PITPNM2: variants seen among roughly 807,000 people sequenced by gnomAD.
The protein encoded by PITPNM2 is membrane-associated phosphatidylinositol transfer protein 2.
PITPNM2 carries 35 observed loss-of-function variants against 132.2 expected under a neutral mutation model. That is an observed-to-expected ratio of 0.26 (90% CI 0.20 to 0.35). PITPNM2 has a LOEUF of 0.35. Among genes scored for constraint, PITPNM2 ranks in the 10% least tolerant of loss-of-function variants. The pLI, the probability that PITPNM2 is intolerant of heterozygous loss-of-function variation, is 1.00. For synonymous variants in PITPNM2, 738 were observed against 799.2 expected (o/e 0.92, Z 1.29); for missense variants, 1,332 against 1,912.0 (o/e 0.70, Z 5.66).
At chr12:123,085,918 T>A (rs532983130) in intron 2 of PITPNM2, among the ~76,000 whole-genome samples, 19 of 152,336 alleles carry the variant, frequency 1.2e-4, no homozygotes, top group African/African-American at 4.6e-4. Flanking sequence ...TAAGCCAGGA[T>A]GCCCTGTCTC....
chr12:123,072,793 C>G (rs1384997566), intron 2 of PITPNM2, among the ~76,000 whole-genome samples: 2 of 152,228 alleles, frequency 1.3e-5, no homozygotes, highest in African/African-American at 4.8e-5. Context: ...AACGTTGGAC[C>G]AAATAAAACC....
In PITPNM2 at chr12:122,986,209, G is replaced by C. The variant is rs759423431; in HGVS notation, c.3868C>G (p.Arg1290Gly). The change falls in exon 26 of 26, where the codon CGG (arginine) becomes GGG (glycine). Residue 1290 changes from arginine to glycine, a missense_variant. Transcript: ENST00000320201. Reference protein sequence around the residue: ...LPGQGDFLRSRNHLLRTISAQ... With the variant: ...LPGQGDFLRSGNHLLRTISAQ... ...GAGATGGTGCGAAGCAGGTGGTTCC[G>C]GGAGCGCAGAAAGTCGCCCTGGCCG... The C allele has an allele frequency of 8.3e-6, 13 of 1,561,044 alleles. No homozygotes were observed. Among genetic ancestry groups the C allele is most frequent in the Non-Finnish European group, 1.1e-5 (13 of 1,157,708 alleles).
rs758735314 is a variant in PITPNM2 at position 123,012,718 on chromosome 12, C to T, written c.310G>A (p.Val104Met). Residue 104 changes from valine to methionine, a missense_variant, in exon 5 of 26, where the codon GTG becomes ATG. Val to Met is a conservative substitution (Grantham distance 21, BLOSUM62 1). This residue lies in a region of PITPNM2 where 122 missense variants were observed against 209.6 expected (regional missense o/e 0.58). Transcript: ENST00000320201. ...TCAATGTCGATGGAGAATTTCTCCACGAAAGGACAGGTGAACCTGTGCGGA... is the reference window on the plus strand; with the variant it reads ...TCAATGTCGATGGAGAATTTCTCCATGAAAGGACAGGTGAACCTGTGCGGA... ...YTRTRFTCPFVEKFSIDIETF... is the reference protein window; with the variant it reads ...YTRTRFTCPFMEKFSIDIETF... The T allele has an allele frequency of 8.7e-6, 14 of 1,613,950 alleles. No homozygotes were observed. In the East Asian group the frequency reaches 1.1e-4, roughly 13 times the overall value.
intron 2 of PITPNM2, among the ~76,000 whole-genome samples, chr12:123,079,374 T>C (rs1180859919): frequency 2.3e-5 from 3 of 129,094 alleles, no homozygotes; most frequent in Admixed American, 7.5e-5. Context: ...TTTTTTTTTT[T>C]TTTTTTGAGA....
chr12:123,043,200 G>A (rs1027575121), intron 2 of PITPNM2, among the ~76,000 whole-genome samples: 1 of 152,136 alleles, frequency 6.6e-6, no homozygotes, highest in South Asian at 2.1e-4. Context: ...GGCTCAGGAA[G>A]CAGGCAGAGA....
At chr12:123,045,781 G>A (rs773177503) in intron 2 of PITPNM2, among the ~76,000 whole-genome samples, 17 of 152,178 alleles carry the variant, frequency 1.1e-4, no homozygotes, top group Non-Finnish European at 2.2e-4. Flanking sequence ...AGGCACAAAC[G>A]CCATGCTGGA....
chr12:123,087,618 T>G (rs2042149910), intron 2 of PITPNM2: 1 of 152,162 alleles, frequency 6.6e-6, no homozygotes, highest in Admixed American at 6.5e-5. Context: ...CAGAATTTCT[T>G]TTTTTTCTTT....
intron 18 of PITPNM2, among the ~76,000 whole-genome samples, 171 bp from the exon 19 acceptor site, chr12:122,989,043 G>A (rs1025169543): frequency 6.6e-6 from 1 of 152,218 alleles, no homozygotes; most frequent in African/African-American, 2.4e-5. Context: ...AGGGAGCGCA[G>A]GCAAAAGCAC....
At chr12:123,012,487 C>T (rs2039251472) in intron 5 of PITPNM2, 126 bp downstream of exon 5, 15 of 1,305,316 alleles carry the variant, frequency 1.1e-5, no homozygotes, top group Non-Finnish European at 1.6e-5. Context: ...CCAACTCTGA[C>T]CTGCCTGCCC....
intron 2 of PITPNM2, among the ~76,000 whole-genome samples, chr12:123,051,175 C>A (rs1184918291): frequency 6.6e-6 from 1 of 152,236 alleles, no homozygotes; most frequent in East Asian, 1.9e-4. Context: ...ATTGATACCC[C>A]TCTTGCAGGA....
In PITPNM2 at chr12:123,023,985, G is replaced by T. The variant is rs1566253582; in HGVS notation, c.79-9943C>A. Among the ~76,000 whole-genome samples the T allele has an allele frequency of 6.6e-6, 1 of 152,180 alleles. No homozygotes were observed. Among genetic ancestry groups the T allele is most frequent in the Non-Finnish European group, 1.5e-5 (1 of 68,044 alleles). On this transcript the variant is annotated intron_variant, in intron 3 of 25. Transcript: ENST00000320201. The surrounding 1 kb of genome is among the most constrained non-coding windows in gnomAD (Gnocchi z 4.8). Reference sequence around the variant, plus strand: ...AACTGGCAAAGGAGCTGGGCATGGTGCTGTACACCTGTAGACCTAGCTACT... The same window carrying T: ...AACTGGCAAAGGAGCTGGGCATGGTTCTGTACACCTGTAGACCTAGCTACT...
intron 2 of PITPNM2, chr12:123,084,520 T>C (rs2042058632): frequency 1.3e-5 from 2 of 152,236 alleles, no homozygotes; most frequent in South Asian, 4.1e-4. Flanking sequence ...CTTTGAACAT[T>C]TGCCACTGCT....
intron 1 of PITPNM2, among the ~76,000 whole-genome samples, chr12:123,118,604 T>C (rs2042974190): frequency 6.6e-6 from 1 of 152,112 alleles, no homozygotes; most frequent in Admixed American, 6.5e-5. Flanking sequence ...TGGGAAGAGT[T>C]CTGAGGGGAA....
rs150324875 is a variant in PITPNM2, at chr12:122,995,583, A to G, written c.1860T>C (p.Gly620=). 3.0e-5 allele frequency: 47 copies of G among 1,578,678 alleles called. No homozygotes were observed. In the African/African-American group the frequency reaches 6.2e-4, roughly 21 times the overall value. ...TGCCACCACCACCACTGCTGCCACC[A>G]CCGCCACCGCCGCCACCGCCACCAC... ...CCGGGGGGGG[G]GGSSGGGGSS... is the part of the protein sequence containing the mutation. Residue 620 remains glycine (G), a synonymous_variant, in exon 14 of 26, where the codon GGT becomes GGC. Coordinates refer to ENST00000320201, the MANE Select transcript of PITPNM2 (RefSeq NM_020845.3).
At chr12:122,990,792 C>T in intron 16 of PITPNM2, 83 bp from the exon 17 acceptor site, 1 of 1,404,534 alleles carries the variant, frequency 7.1e-7, no homozygotes, top group Admixed American at 2.3e-5. Context: ...GTGCCAGGGT[C>T]CAGTGTGCAC....
In PITPNM2 at chr12:123,008,795, A is replaced by T. The variant is rs1290939524; in HGVS notation, c.643+1055T>A. 6.6e-6 allele frequency among the ~76,000 whole-genome samples: 1 copy of T among 152,186 alleles called. No individual in the cohort carries two copies. The highest frequency in any genetic ancestry group is 1.5e-5 in the Non-Finnish European group (1 of 68,026). ...GGTGGTGACACCAACACACCCATCGAGGCCCTGTCCACGTCTTCGCTTCTC... is the reference window on the plus strand; with the variant it reads ...GGTGGTGACACCAACACACCCATCGTGGCCCTGTCCACGTCTTCGCTTCTC... On this transcript the variant is annotated intron_variant, in intron 6 of 25. Transcript: ENST00000320201. The surrounding 1 kb of genome is among the most constrained non-coding windows in gnomAD (Gnocchi z 4.1).
rs192957108 is a variant in PITPNM2, at chr12:123,097,081, C to T, written c.-96+13304G>A. On this transcript the variant is annotated intron_variant, in intron 2 of 25. Coordinates refer to ENST00000320201, the MANE Select transcript of PITPNM2 (RefSeq NM_020845.3). This position sits in a 1 kb window ranked among gnomAD's most constrained non-coding sequence, Gnocchi z 4.7. ...TTTTGGTATGGAGTCTCGCTCTTGT[C>T]GCCCAGGTTTGAGTGCAGTGGCACG... Among the ~76,000 whole-genome samples the T allele has an allele frequency of 5.3e-5, 8 of 152,126 alleles. No individual in the cohort carries two copies. Among genetic ancestry groups the T allele is most frequent in the Admixed American group, 4.6e-4 (7 of 15,278 alleles).
intron 16 of PITPNM2, chr12:122,991,705 C>T (rs570588541): frequency 1.5e-6 from 2 of 1,291,152 alleles, no homozygotes; most frequent in South Asian, 6.5e-5. Flanking sequence ...CCCTGAGGAC[C>T]AGGTCAACCA....
intron 6 of PITPNM2, chr12:123,007,458 C>G: frequency 2.2e-6 from 1 of 455,320 alleles, no homozygotes; most frequent in South Asian, 1.6e-5. Context: ...GGCATGTACC[C>G]CCGCCTCCCC....
Sources: gnomAD v4.1 joint callset for allele counts (sites outside exome capture counted in the v4.1 genomes callset) on GRCh38, gnomAD v4.1.1 for gene constraint, gnomAD v4.1.1 regional missense constraint, Gnocchi (gnomAD v3.1) non-coding constraint, MANE v1.5 for transcripts, NCBI Gene and HGNC (gene_info 2026-07-23, HGNC 2026-07-21) for gene names.